KLHL31: variants seen among roughly 807,000 people sequenced by gnomAD.
KLHL31 encodes the protein kelch like family member 31.
A neutral mutation model predicts 47.1 loss-of-function variants in KLHL31; 32 were observed. That is an observed-to-expected ratio of 0.68 (90% CI 0.51 to 0.91). The LOEUF (loss-of-function observed/expected upper bound fraction) is 0.91. KLHL31 is among the 40% of genes least tolerant of loss of function. KLHL31 has a pLI of 0.00. For missense variants in KLHL31, 797 were observed against 819.3 expected (o/e 0.97, Z 0.33); for synonymous variants, 330 against 325.1 (o/e 1.01, Z -0.16).
chr6:53,660,010 G>T (rs555933513), intron 1 of KLHL31, among the ~76,000 whole-genome samples: 3 of 151,990 alleles, frequency 2.0e-5, no homozygotes, highest in African/African-American at 7.3e-5. Flanking sequence ...AGTCTCTTGC[G>T]CTTGTCCTAT....
Position 53,649,135 on chromosome 6 carries a change from T to C in KLHL31, c.*2463A>G, listed in dbSNP as rs889688674. ...GCTTCAATAGTTGGTGTAAAGAATA[T>C]GTTTCACTTACACATGAAAGTGGAC... is the stretch of plus-strand genomic sequence containing the variant. On this transcript the variant is annotated 3_prime_UTR_variant, in exon 3 of 3. Coordinates refer to ENST00000370905, the MANE Select transcript of KLHL31 (RefSeq NM_001003760.5). 2.0e-5 allele frequency: 3 copies of C among 152,186 alleles called. No homozygotes were observed. Among genetic ancestry groups the C allele is most frequent in the Non-Finnish European group, 4.4e-5 (3 of 68,002 alleles). 9.4% of individuals were successfully genotyped at this position (152,186 alleles called of 1,614,324 possible). A position where few individuals can be genotyped will look rare whatever the true frequency, so the allele number is the denominator to read the frequency against.
At chr6:53,660,672 G>C (rs529154433) in intron 1 of KLHL31, among the ~76,000 whole-genome samples, 1 of 152,282 alleles carries the variant, frequency 6.6e-6, no homozygotes, top group South Asian at 2.1e-4. Flanking sequence ...AAATTAGCTG[G>C]ATGTGGTGGC....
Position 53,655,273 on chromosome 6 carries a change from G to T in KLHL31, c.-1C>A. On this transcript the variant is annotated 5_prime_UTR_variant, in exon 2 of 3. Transcript: ENST00000370905. ...TGACAATCTTCTTTTTGGGTGCCAT[G>T]TTGGCAAATACACTGTTACAGGCAA... 6.4e-7 allele frequency: 1 copy of T among 1,552,666 alleles called. No homozygotes were observed. Among genetic ancestry groups the T allele is most frequent in the Non-Finnish European group, 8.7e-7 (1 of 1,153,010 alleles).
intron 1 of KLHL31, among the ~76,000 whole-genome samples, chr6:53,663,334 G>C (rs1246005044): frequency 6.6e-6 from 1 of 152,128 alleles, no homozygotes; most frequent in African/African-American, 2.4e-5. Flanking sequence ...CCAAATACTA[G>C]AATAAAAGAG....
rs1764434998 is a variant in KLHL31 at position 53,649,309 on chromosome 6, C to G, written c.*2289G>C. 6.6e-6 allele frequency: 1 copy of G among 152,100 alleles called. No individual in the cohort carries two copies. The highest frequency in any genetic ancestry group is 1.5e-5 in the Non-Finnish European group (1 of 67,974). 9.4% of individuals were successfully genotyped at this position (152,100 alleles called of 1,614,324 possible). On this transcript the variant is annotated 3_prime_UTR_variant, in exon 3 of 3. Coordinates refer to ENST00000370905, the MANE Select transcript of KLHL31 (RefSeq NM_001003760.5). ...TCTGACATTCCAAATTCATATTGGT[C>G]TTTATTTTCCTAACTGTTGAAGCAG...
At position 53,654,271 on chromosome 6, in the gene KLHL31, T is replaced by A. The variant is rs1240235530; in HGVS notation, c.1002A>T (p.Arg334Ser). 1.2e-6 allele frequency: 2 copies of A among 1,614,188 alleles called. No homozygotes were observed. ...RPGLTEKSLS[R>S]DILYRDPENG... ...TTTCAGGGTCTCTATACAAGATGTC[T>A]CTGCTAAGGGACTTCTCAGTAAGGC... The change falls in exon 2 of 3, where the codon AGA becomes AGT. Residue 334 changes from arginine to serine, a missense_variant. Physicochemically the swap from Arg to Ser is moderately radical, Grantham distance 110. Coordinates refer to ENST00000370905, the MANE Select transcript of KLHL31 (RefSeq NM_001003760.5).
In KLHL31 at chr6:53,655,313, G is replaced by GA. The variant is rs770082113; in HGVS notation, c.-33-9dup. Reference sequence around the variant, plus strand: ...GTTACAGGCAAGAGCTTGCTAAAAAGAGAAAAAAAAAAACATGGTTTTGTT... The same window carrying GA: ...GTTACAGGCAAGAGCTTGCTAAAAAGAAGAAAAAAAAAAACATGGTTTTGTT... On this transcript the variant is annotated splice_polypyrimidine_tract_variant and intron_variant, in intron 1 of 2. Transcript: ENST00000370905. 6.2e-3 allele frequency: 7,930 copies of GA among 1,271,276 alleles called. 5 individuals carry two copies. The highest frequency in any genetic ancestry group is 7.0e-3 in the Non-Finnish European group (6,592 of 943,982). The allele number at this position is 1,271,276 out of a possible 1,614,324, so 78.7% of individuals were successfully genotyped here. A position where few individuals can be genotyped will look rare whatever the true frequency, so the allele number is the denominator to read the frequency against.
In KLHL31 at chr6:53,655,277, GCAAATACACTGTTA is replaced by G. The variant is rs777881038; in HGVS notation, c.-19_-6del. The G allele has an allele frequency of 1.3e-6, 2 of 1,541,040 alleles. No individual in the cohort carries two copies. Among genetic ancestry groups the G allele is most frequent in the Admixed American group, 2.1e-5 (1 of 47,550 alleles). On this transcript the variant is annotated 5_prime_UTR_variant, in exon 2 of 3. Transcript: ENST00000370905. ...AATCTTCTTTTTGGGTGCCATGTTG[GCAAATACACTGTTA>G]CAGGCAAGAGCTTGCTAAAAAGAGA... is the stretch of plus-strand genomic sequence containing the variant.
intron 1 of KLHL31, among the ~76,000 whole-genome samples, chr6:53,655,994 AAC>A: frequency 6.6e-6 from 1 of 152,276 alleles, no homozygotes; most frequent in East Asian, 1.9e-4. Flanking sequence ...GTGAATTATA[AAC>A]ACTCTGAAGA....
At chr6:53,662,704 C>G (rs1318817316) in intron 1 of KLHL31, among the ~76,000 whole-genome samples, 3 of 152,236 alleles carry the variant, frequency 2.0e-5, no homozygotes, top group Admixed American at 6.5e-5. Flanking sequence ...CTCCCCTCCC[C>G]ATGCCTACTG....
chr6:53,663,899 A>C (rs896533344), intron 1 of KLHL31, among the ~76,000 whole-genome samples: 1 of 152,220 alleles, frequency 6.6e-6, no homozygotes, highest in Non-Finnish European at 1.5e-5. Context: ...CAGAACGTCC[A>C]ACCTATCAGG....
At chr6:53,653,133 G>A (rs1249400483) in intron 2 of KLHL31, among the ~76,000 whole-genome samples, 3 of 152,182 alleles carry the variant, frequency 2.0e-5, no homozygotes, top group Non-Finnish European at 4.4e-5. Flanking sequence ...TTTACAGCAG[G>A]AGGAAAATAA....
At chr6:53,657,884 A>G (rs1764587337) in intron 1 of KLHL31, among the ~76,000 whole-genome samples, 2 of 148,860 alleles carry the variant, frequency 1.3e-5, no homozygotes. Context: ...TCCAATTATC[A>G]TATTCACATT....
intron 1 of KLHL31, among the ~76,000 whole-genome samples, chr6:53,656,245 C>T (rs920611190): frequency 2.6e-5 from 4 of 152,106 alleles, no homozygotes; most frequent in African/African-American, 9.7e-5. Flanking sequence ...ATTTTAGTTG[C>T]TACCTCTATA....
chr6:53,662,857 C>T (rs758154880), intron 1 of KLHL31, among the ~76,000 whole-genome samples: 75 of 152,110 alleles, frequency 4.9e-4, no homozygotes, highest in Non-Finnish European at 1.0e-3. Flanking sequence ...ATATACATCA[C>T]CAAGCAGGAA....
Position 53,661,344 on chromosome 6 carries a change from C to A in KLHL31, c.-34+4257G>T, listed in dbSNP as rs1030988740. 3.3e-5 allele frequency among the ~76,000 whole-genome samples: 5 copies of A among 152,136 alleles called. No homozygotes were observed. The East Asian group carries it at 7.7e-4, about 23-fold the overall frequency. On this transcript the variant is annotated intron_variant, in intron 1 of 2. Transcript: ENST00000370905. ...GAAAGGCTTCAACAAACTCTCCCGG[C>A]CTCTCACATTGGAGCCTTTCTGGGT...
Position 53,660,598 on chromosome 6 carries a change from G to C in KLHL31, c.-34+5003C>G, listed in dbSNP as rs1764630496. Among the ~76,000 whole-genome samples the C allele has an allele frequency of 2.6e-5, 4 of 152,282 alleles. 1 individual carries two copies. The highest frequency in any genetic ancestry group is 9.6e-5 in the African/African-American group (4 of 41,568). The stretch of plus-strand genomic sequence containing the variant: ...GGAGGCCGAGGCGGGTGGATCACTT[G>C]AGGCCAGGAGTTCAAGACCAGCCTG... On this transcript the variant is annotated intron_variant, in intron 1 of 2. Transcript: ENST00000370905.
In KLHL31 at chr6:53,648,751, A is replaced by G. The variant is rs1313087592; in HGVS notation, c.*2847T>C. 2.0e-5 allele frequency: 3 copies of G among 152,222 alleles called. No individual in the cohort carries two copies. Among genetic ancestry groups the G allele is most frequent in the African/African-American group, 7.2e-5 (3 of 41,466 alleles). 9.4% of individuals were successfully genotyped at this position (152,222 alleles called of 1,614,324 possible). A position where few individuals can be genotyped will look rare whatever the true frequency, so the allele number is the denominator to read the frequency against. Reference sequence around the variant, plus strand: ...TCATTCAATGCACTGAAAGCAACTAATGCATCAGGGATGACAACTTGGCAC... The same window carrying G: ...TCATTCAATGCACTGAAAGCAACTAGTGCATCAGGGATGACAACTTGGCAC... On this transcript the variant is annotated 3_prime_UTR_variant, in exon 3 of 3. Transcript: ENST00000370905.
intron 1 of KLHL31, among the ~76,000 whole-genome samples, chr6:53,658,796 C>A (rs1173210339): frequency 6.6e-6 from 1 of 151,964 alleles, no homozygotes; most frequent in Non-Finnish European, 1.5e-5. Flanking sequence ...TTTCAATTAT[C>A]CATGAGTCAA....
Sources: allele counts gnomAD v4.1 joint callset (sites outside exome capture counted in the v4.1 genomes callset), GRCh38; gene constraint gnomAD v4.1.1; transcripts MANE v1.5; gene names NCBI Gene and HGNC (gene_info 2026-07-23, HGNC 2026-07-21).